Variants in DOCK6 observed in about 807,000 individuals in gnomAD.
DOCK6 encodes dedicator of cytokinesis protein 6.
DOCK6 carries 167 observed loss-of-function variants against 230.3 expected under a neutral mutation model. That is an observed-to-expected ratio of 0.73 (90% CI 0.64 to 0.82). DOCK6 has a LOEUF of 0.82. DOCK6 is among the 40% of genes least tolerant of loss of function. The pLI is 0.00. For missense variants in DOCK6, 2,598 were observed against 2,825.8 expected (o/e 0.92, Z 1.83); for synonymous variants, 1,148 against 1,185.0 (o/e 0.97, Z 0.64).
chr19:11,233,528 G>C (rs1041976905), intron 21 of DOCK6, among the ~76,000 whole-genome samples, 162 bp from the exon 22 acceptor site: 1 of 152,064 alleles, frequency 6.6e-6, no homozygotes, highest in African/African-American at 2.4e-5. Flanking sequence ...CAGAGATTGG[G>C]GGGGCACTGA....
chr19:11,253,030 G>A (rs2147879156), intron 2 of DOCK6, 72 bp from the exon 3 acceptor site: 4 of 1,457,524 alleles, frequency 2.7e-6, no homozygotes, highest in African/African-American at 2.8e-5. Context: ...GCAGGGGTGG[G>A]TGCGCGCTGG....
chr19:11,234,947 AT>A lies in DOCK6; in HGVS notation c.2554+650del, dbSNP rs1015104607. 2.5e-3 allele frequency among the ~76,000 whole-genome samples: 362 copies of A among 143,410 alleles called. 1 individual carries two copies. The highest frequency in any genetic ancestry group is 4.4e-3 in the East Asian group (22 of 4,948). 94.1% of individuals were successfully genotyped at this position (143,410 alleles called of 152,430 possible). On this transcript the variant is annotated intron_variant, in intron 21 of 47. Transcript: ENST00000294618. ...CTCTTCTCCCAGATCTTTCTTTCTT[AT>A]TTTTTTTTTTTTGAAACAGGGTCTT... is the stretch of plus-strand genomic sequence containing the variant.
At chr19:11,238,982 G>A (rs150583189) in intron 14 of DOCK6, 76 of 156,116 alleles carry the variant, frequency 4.9e-4, no homozygotes, top group Non-Finnish European at 8.9e-4. Flanking sequence ...TCTGTTCTAA[G>A]CACTCAACAT....
chr19:11,249,008 A>G (rs552638632), intron 6 of DOCK6, among the ~76,000 whole-genome samples: 27 of 152,180 alleles, frequency 1.8e-4, no homozygotes, highest in Non-Finnish European at 3.8e-4. Flanking sequence ...GTATATAGTA[A>G]GCACTCAATA....
Position 11,232,210 on chromosome 19 carries a change from G to A in DOCK6, c.2718+993C>T, listed in dbSNP as rs571810616. ...CTGTCTGGGGTCGGCCCCACAATAA[G>A]GGGGCGCCCGCCGCAGCACAGCCTT... On this transcript the variant is annotated intron_variant, in intron 22 of 47. Transcript: ENST00000294618. 155 of 1,289,404 alleles carry A rather than the reference G, an allele frequency of 1.2e-4. No homozygotes were observed. The South Asian group carries it at 1.8e-3, about 15-fold the overall frequency. The allele number at this position is 1,289,404 out of a possible 1,614,324, so 79.9% of individuals were successfully genotyped here. A position where few individuals can be genotyped will look rare whatever the true frequency, so the allele number is the denominator to read the frequency against.
Position 11,214,274 on chromosome 19 carries a change from C to T in DOCK6, c.4338+1G>A. 1 of 1,608,138 alleles carries T rather than the reference C, an allele frequency of 6.2e-7. No homozygotes were observed. Among genetic ancestry groups the T allele is most frequent in the South Asian group, 1.1e-5 (1 of 90,522 alleles). On this transcript the variant is annotated splice_donor_variant, in intron 34 of 47. Coordinates refer to ENST00000294618, the MANE Select transcript of DOCK6 (RefSeq NM_020812.4). LOFTEE classifies it high-confidence loss of function. ...AATCATGGTTGTTGAGTGGTGCTCA[C>T]CTTGGACACAAGGGCCCTCTGGGTG... is the stretch of plus-strand genomic sequence containing the variant.
intron 22 of DOCK6, among the ~76,000 whole-genome samples, chr19:11,230,442 G>T (rs1599245457): frequency 6.6e-6 from 1 of 152,346 alleles, no homozygotes; most frequent in East Asian, 1.9e-4. Context: ...GAGGAGTGTG[G>T]ATGGAGTGGG....
chr19:11,220,038 C>T (rs1306929268), intron 28 of DOCK6, among the ~76,000 whole-genome samples: 1 of 151,696 alleles, frequency 6.6e-6, no homozygotes, highest in African/African-American at 2.4e-5. Flanking sequence ...ACTGCGACCT[C>T]CATCTCCCAG....
In DOCK6 at chr19:11,243,129, C is replaced by T. The variant is rs1221518235; in HGVS notation, c.1410G>A (p.Glu470=). The change falls in exon 13 of 48, where the codon GAG becomes GAA. Residue 470 remains glutamate (E), a synonymous_variant. Coordinates refer to ENST00000294618, the MANE Select transcript of DOCK6 (RefSeq NM_020812.4). The surrounding 1 kb of genome is among the most constrained non-coding windows in gnomAD (Gnocchi z 6.3). ...FKQEAERLSD[E]DLFKFLADMR... is the part of the protein sequence containing the mutation. ...TGTCAGCCAGGAACTTGAAGAGGTCCTCGTCACTGAGTCGCTCAGCCTCCT... is the reference window on the plus strand; with the variant it reads ...TGTCAGCCAGGAACTTGAAGAGGTCTTCGTCACTGAGTCGCTCAGCCTCCT... 1 of 1,613,886 alleles carries T rather than the reference C, an allele frequency of 6.2e-7. No individual in the cohort carries two copies. The highest frequency in any genetic ancestry group is 8.5e-7 in the Non-Finnish European group (1 of 1,179,888).
rs1490938758 is a variant in DOCK6 at position 11,235,733 on chromosome 19, C to T, written c.2419G>A (p.Ala807Thr). 1 of 1,597,210 alleles carries T rather than the reference C, an allele frequency of 6.3e-7. No individual in the cohort carries two copies. The highest frequency in any genetic ancestry group is 8.5e-7 in the Non-Finnish European group (1 of 1,171,366). The change falls in exon 21 of 48, where the codon GCA becomes ACA. Residue 807 changes from alanine (A) to threonine (T), a missense_variant. Ala to Thr is a moderately conservative substitution (Grantham distance 58). Coordinates refer to ENST00000294618, the MANE Select transcript of DOCK6 (RefSeq NM_020812.4). ...IVNLGRGAFE[A>T]MAHVVSLVHR... is the part of the protein sequence containing the mutation. ...ACAAGGCTGACTACATGGGCCATTG[C>T]TTCAAAGGCTCCACGGCCCAGGTTC...
rs1207268323 is a variant in DOCK6 at position 11,232,232 on chromosome 19, C to T, written c.2718+971G>A. The T allele has an allele frequency of 3.1e-6, 4 of 1,289,692 alleles. No homozygotes were observed. The South Asian group carries it at 4.9e-5, about 16-fold the overall frequency. 79.9% of individuals were successfully genotyped at this position (1,289,692 alleles called of 1,614,324 possible). A position where few individuals can be genotyped will look rare whatever the true frequency, so the allele number is the denominator to read the frequency against. ...TAAGGGGGCGCCCGCCGCAGCACAGCCTTACTGCCTCCTGGAGCATAAGCG... is the reference window on the plus strand; with the variant it reads ...TAAGGGGGCGCCCGCCGCAGCACAGTCTTACTGCCTCCTGGAGCATAAGCG... On this transcript the variant is annotated intron_variant, in intron 22 of 47. Transcript: ENST00000294618.
chr19:11,211,159 C>T (rs531274611), intron 37 of DOCK6, among the ~76,000 whole-genome samples: 1 of 151,378 alleles, frequency 6.6e-6, no homozygotes, highest in East Asian at 1.9e-4. Flanking sequence ...CCCCCCTGCC[C>T]CACCTTTTCA....
rs534490926 is a variant in DOCK6 at position 11,237,609 on chromosome 19, G to A, written c.1971+32C>T. 5 of 1,122,410 alleles carry A rather than the reference G, an allele frequency of 4.5e-6. No individual in the cohort carries two copies. In the South Asian group the frequency reaches 6.2e-5, roughly 14 times the overall value. The allele number at this position is 1,122,410 out of a possible 1,614,324, so 69.5% of individuals were successfully genotyped here. A position where few individuals can be genotyped will look rare whatever the true frequency, so the allele number is the denominator to read the frequency against. ...GCGGCCAGGTTGGGGGACGAGGAGG[G>A]CTCAGGGGGAGGGAGGGAGGGGACG... On this transcript the variant is annotated intron_variant, in intron 17 of 47. Transcript: ENST00000294618.
At chr19:11,225,197 C>G (rs2079645502) in intron 24 of DOCK6, among the ~76,000 whole-genome samples, 2 of 152,054 alleles carry the variant, frequency 1.3e-5, no homozygotes, top group African/African-American at 2.4e-5. Flanking sequence ...CATTGCACTC[C>G]AGCCTCGGGG....
At chr19:11,215,325 A>C (rs2079464982) in intron 32 of DOCK6, 62 bp downstream of exon 32, 2 of 1,471,570 alleles carry the variant, frequency 1.4e-6, no homozygotes, top group Non-Finnish European at 1.9e-6. Flanking sequence ...GGACTCAAGC[A>C]ATCCTCCTGC....
At chr19:11,226,614 C>T (rs544718812) in intron 24 of DOCK6, among the ~76,000 whole-genome samples, 6 of 152,198 alleles carry the variant, frequency 3.9e-5, no homozygotes, top group East Asian at 1.9e-4. Flanking sequence ...GCCAAGATTG[C>T]GCCATCGCAC....
intron 1 of DOCK6, among the ~76,000 whole-genome samples, chr19:11,260,882 C>CAAAAAAAAAAAAAAAAAAAAAA (rs59900669): frequency 3.2e-5 from 2 of 61,762 alleles, no homozygotes; most frequent in African/African-American, 7.0e-5. Flanking sequence ...GACTCTGTCT[C>CAAAAAAAAAAAAAAAAAAAAAA]AAAAAAAAAA....
At chr19:11,233,767 G>C (rs947300906) in intron 21 of DOCK6, among the ~76,000 whole-genome samples, 4 of 152,166 alleles carry the variant, frequency 2.6e-5, no homozygotes, top group African/African-American at 7.2e-5. Context: ...TTGAGCCCAG[G>C]AGTTTAAGGC....
Position 11,233,123 on chromosome 19 carries a change from T to C in DOCK6, c.2718+80A>G, listed in dbSNP as rs1599250285. ...TTGTCGTCTCTGTTGTTTCCCATGC[T>C]TCATCAACAGATTCTTCGCCCACAC... On this transcript the variant is annotated intron_variant, in intron 22 of 47. Transcript: ENST00000294618. The C allele has an allele frequency of 3.9e-6, 6 of 1,530,482 alleles. No homozygotes were observed. In the East Asian group the frequency reaches 1.4e-4, roughly 36 times the overall value. 94.8% of individuals were successfully genotyped at this position (1,530,482 alleles called of 1,614,324 possible). A position where few individuals can be genotyped will look rare whatever the true frequency, so the allele number is the denominator to read the frequency against.
Sources: gnomAD v4.1 joint callset for allele counts (sites outside exome capture counted in the v4.1 genomes callset) on GRCh38, gnomAD v4.1.1 for gene constraint, Gnocchi (gnomAD v3.1) non-coding constraint, MANE v1.5 for transcripts, NCBI Gene and HGNC (gene_info 2026-07-23, HGNC 2026-07-21) for gene names.